Variants in INO80 observed in about 807,000 individuals in gnomAD.
INO80 encodes INO80 complex ATPase subunit.
INO80 carries 20 observed loss-of-function variants against 203.4 expected under a neutral mutation model. That is an observed-to-expected ratio of 0.10 (90% CI 0.07 to 0.14). The LOEUF (loss-of-function observed/expected upper bound fraction) is 0.14. Ranked by LOEUF, INO80 falls within the 10% of genes least tolerant of loss-of-function variation. The pLI is 1.00. For synonymous variants in INO80, 726 were observed against 685.2 expected (o/e 1.06, Z -0.93); for missense variants, 1,419 against 1,914.4 (o/e 0.74, Z 4.83).
intron 15 of INO80, among the ~76,000 whole-genome samples, chr15:41,059,121 T>A (rs773013052): frequency 7.9e-5 from 12 of 151,744 alleles, no homozygotes; most frequent in East Asian, 2.0e-4. Flanking sequence ...CCGGCTAATT[T>A]TTTTATTTTA....
At chr15:41,042,076 T>C (rs1188698027) in intron 24 of INO80, among the ~76,000 whole-genome samples, 1 of 150,812 alleles carries the variant, frequency 6.6e-6, no homozygotes, top group African/African-American at 2.4e-5. Flanking sequence ...TGCAGGTGCA[T>C]GATCTCAGCT....
At position 41,069,964 on chromosome 15, in the gene INO80, C is replaced by T. The variant is rs141874440; in HGVS notation, c.1687-299G>A. Among the ~76,000 whole-genome samples, 31 of 152,194 alleles carry T rather than the reference C, an allele frequency of 2.0e-4. No homozygotes were observed. In the East Asian group the frequency reaches 5.2e-3, roughly 26 times the overall value. On this transcript the variant is annotated intron_variant, in intron 13 of 35. Coordinates refer to ENST00000648947, the MANE Select transcript of INO80 (RefSeq NM_017553.3). ...ATTGTTTTCTACTATACTAGTTATC[C>T]GACAATCTTGTAGTTATTTAATAGG...
intron 28 of INO80, among the ~76,000 whole-genome samples, chr15:41,003,201 TAGA>T (rs1186956812): frequency 2.6e-5 from 4 of 152,086 alleles, no homozygotes; most frequent in African/African-American, 9.6e-5. Context: ...GAATATTAAG[TAGA>T]AGAAATCAGG....
chr15:41,044,134 G>A (rs906066273), intron 24 of INO80, among the ~76,000 whole-genome samples: 2 of 152,152 alleles, frequency 1.3e-5, no homozygotes, highest in Non-Finnish European at 2.9e-5. Flanking sequence ...TTAGAAAAAC[G>A]TTTGGCAAAA....
At chr15:40,997,370 TAG>T (rs1351021372) in intron 29 of INO80, among the ~76,000 whole-genome samples, 157 bp downstream of exon 29, 1 of 152,128 alleles carries the variant, frequency 6.6e-6, no homozygotes. Context: ...AAAGAGCAAC[TAG>T]AGTCTTTTAA....
chr15:40,993,306 A>C (rs1399638755), intron 29 of INO80, among the ~76,000 whole-genome samples: 1 of 152,154 alleles, frequency 6.6e-6, no homozygotes, highest in Non-Finnish European at 1.5e-5. Flanking sequence ...TTAAATGAAC[A>C]ACCGGAGAAA....
At chr15:41,056,914 G>A (rs1029322900) in intron 16 of INO80, among the ~76,000 whole-genome samples, 4 of 152,010 alleles carry the variant, frequency 2.6e-5, no homozygotes, top group South Asian at 2.1e-4. Flanking sequence ...CTGAAAACAC[G>A]GTATTTGGAT....
intron 24 of INO80, among the ~76,000 whole-genome samples, chr15:41,038,386 T>C (rs1385737918): frequency 6.6e-6 from 1 of 152,066 alleles, no homozygotes; most frequent in Non-Finnish European, 1.5e-5. Flanking sequence ...CAAACTCCCC[T>C]CCTGAAATAC....
intron 1 of INO80, among the ~76,000 whole-genome samples, chr15:41,097,409 G>C (rs1438394926): frequency 1.3e-5 from 2 of 152,052 alleles, no homozygotes; most frequent in Admixed American, 6.6e-5. Context: ...ATACTTAAAG[G>C]GTTACACGAA....
chr15:41,113,871 C>G (rs1480871291), intron 1 of INO80, among the ~76,000 whole-genome samples: 2 of 152,204 alleles, frequency 1.3e-5, no homozygotes, highest in Non-Finnish European at 2.9e-5. Flanking sequence ...ACAATTATTT[C>G]CTATCACAAT....
At chr15:41,068,634 G>A (rs1041799719) in intron 14 of INO80, among the ~76,000 whole-genome samples, 1 of 151,992 alleles carries the variant, frequency 6.6e-6, no homozygotes, top group Admixed American at 6.6e-5. Flanking sequence ...CAGGCATGTG[G>A]ATCACCTGAG....
intron 1 of INO80, among the ~76,000 whole-genome samples, chr15:41,110,442 G>A (rs777283970): frequency 7.3e-5 from 11 of 150,678 alleles, no homozygotes; most frequent in Non-Finnish European, 1.2e-4. Context: ...CACAGCACCC[G>A]GCCTCTTTTA....
intron 29 of INO80, among the ~76,000 whole-genome samples, chr15:40,994,081 TC>T (rs993176918): frequency 6.6e-6 from 1 of 152,172 alleles, no homozygotes; most frequent in African/African-American, 2.4e-5. Context: ...CATACTACTC[TC>T]CCCATAGTTG....
intron 28 of INO80, among the ~76,000 whole-genome samples, chr15:41,000,220 C>G (rs560481361): frequency 6.6e-6 from 1 of 152,058 alleles, no homozygotes; most frequent in African/African-American, 2.4e-5. Context: ...CTGATACCTG[C>G]GTGAGAGTTG....
intron 9 of INO80, among the ~76,000 whole-genome samples, chr15:41,077,025 A>T (rs1395359159): frequency 6.6e-6 from 1 of 151,918 alleles, no homozygotes; most frequent in Non-Finnish European, 1.5e-5. Flanking sequence ...CTGCTGTCTC[A>T]GCCTCCCGAG....
At chr15:41,084,379 G>C (rs1318133252) in intron 7 of INO80, among the ~76,000 whole-genome samples, 6 of 152,004 alleles carry the variant, frequency 3.9e-5, no homozygotes, top group African/African-American at 1.5e-4. Context: ...GGCCAACATG[G>C]TGAAACCCCA....
At chr15:41,035,622 C>T (rs1468701890) in intron 24 of INO80, among the ~76,000 whole-genome samples, 1 of 151,336 alleles carries the variant, frequency 6.6e-6, no homozygotes, top group Non-Finnish European at 1.5e-5. Flanking sequence ...GAGATCAAGA[C>T]CATCCTGGCC....
rs1252279996 is a variant in INO80 at position 41,015,184 on chromosome 15, C to T, written c.3402+904G>A. On this transcript the variant is annotated intron_variant, in intron 27 of 35. Coordinates refer to ENST00000648947, the MANE Select transcript of INO80 (RefSeq NM_017553.3). ...AAAGAAGCAATTAAAGAAACAAAAG[C>T]TGCCTTGCACAGTCATATCTTTTCC... 2.0e-5 allele frequency among the ~76,000 whole-genome samples: 3 copies of T among 152,286 alleles called. No homozygotes were observed. The East Asian group carries it at 5.8e-4, about 29-fold the overall frequency.
At chr15:41,016,402 A>G (rs2044211234) in intron 26 of INO80, among the ~76,000 whole-genome samples, 187 bp from the exon 27 acceptor site, 1 of 152,248 alleles carries the variant, frequency 6.6e-6, no homozygotes, top group Non-Finnish European at 1.5e-5. Context: ...GCCCTGGGAA[A>G]AAACATCCCC....
Sources: gnomAD v4.1 joint callset for allele counts (sites outside exome capture counted in the v4.1 genomes callset) on GRCh38, gnomAD v4.1.1 for gene constraint, MANE v1.5 for transcripts, NCBI Gene and HGNC (gene_info 2026-07-23, HGNC 2026-07-21) for gene names.